The following CAST variants were observed in gnomAD, a reference collection of about 807,000 sequenced individuals.
CAST encodes MIR583 host.
CAST carries 76 observed loss-of-function variants against 119.6 expected under a neutral mutation model. The observed-to-expected ratio is 0.64, with a 90% CI of 0.53 to 0.77. CAST has a LOEUF of 0.77. CAST is among the 30% of genes least tolerant of loss of function. The pLI, the probability that CAST is intolerant of heterozygous loss-of-function variation, is 0.00. For missense variants in CAST, 953 were observed against 946.5 expected (o/e 1.01, Z -0.09); for synonymous variants, 319 against 331.6 (o/e 0.96, Z 0.41).
chr5:96,366,824 A>G, the CAST span, among the ~76,000 whole-genome samples: 14 of 152,322 alleles, frequency 9.2e-5, no homozygotes, highest in Non-Finnish European at 1.8e-4. Context: ...TTCTTCTCTC[A>G]ACATGTCAAA....
the CAST span, among the ~76,000 whole-genome samples, chr5:96,054,465 GTC>G: frequency 6.6e-6 from 1 of 151,942 alleles, no homozygotes; most frequent in Non-Finnish European, 1.5e-5. Flanking sequence ...TTTTCTGTAA[GTC>G]TTATTCATCA....
At chr5:96,328,805 G>A in the CAST span, among the ~76,000 whole-genome samples, 1 of 152,134 alleles carries the variant, frequency 6.6e-6, no homozygotes, top group African/African-American at 2.4e-5. Context: ...TTGTGGAAAA[G>A]CGAAGCAAAA....
At chr5:96,281,301 G>A in the CAST span, among the ~76,000 whole-genome samples, 5 of 152,126 alleles carry the variant, frequency 3.3e-5, no homozygotes, top group African/African-American at 1.2e-4. Context: ...ATGACTTTAG[G>A]CGTGACTAGA....
At chr5:96,341,235 C>G in the CAST span, among the ~76,000 whole-genome samples, 4 of 152,126 alleles carry the variant, frequency 2.6e-5, no homozygotes, top group Non-Finnish European at 5.9e-5. Context: ...GAAAGTATCA[C>G]TTACCATACA....
At chr5:96,451,573 A>T in the CAST span, among the ~76,000 whole-genome samples, 2 of 152,248 alleles carry the variant, frequency 1.3e-5, no homozygotes, top group Non-Finnish European at 2.9e-5. Flanking sequence ...CATTCAGGAC[A>T]TAGGCATGGG....
chr5:96,107,098 A>C, the CAST span, among the ~76,000 whole-genome samples: 2 of 147,290 alleles, frequency 1.4e-5, no homozygotes, highest in South Asian at 2.3e-4. Context: ...CCATCCTTTT[A>C]TTTTGAGCCT....
the CAST span, among the ~76,000 whole-genome samples, chr5:96,102,087 C>T: frequency 6.6e-6 from 1 of 152,106 alleles, no homozygotes; most frequent in Admixed American, 6.5e-5. Flanking sequence ...GGATCCCTTC[C>T]CTTGTTGTGT....
the CAST span, among the ~76,000 whole-genome samples, chr5:96,211,516 C>G: frequency 1.5e-4 from 23 of 151,954 alleles, no homozygotes; most frequent in African/African-American, 5.1e-4. Context: ...CTTAATTTCT[C>G]TAAAATATTA....
At chr5:95,981,969 C>G in the CAST span, among the ~76,000 whole-genome samples, 1 of 152,028 alleles carries the variant, frequency 6.6e-6, no homozygotes, top group East Asian at 1.9e-4. Flanking sequence ...CTTCACTCAA[C>G]TCCCAGAGAA....
the CAST span, among the ~76,000 whole-genome samples, chr5:96,384,502 C>T: frequency 1.3e-5 from 2 of 152,274 alleles, no homozygotes; most frequent in South Asian, 2.1e-4. Flanking sequence ...AGCTGTCTTC[C>T]CTGCCCTTGT....
chr5:96,432,548 C>G, the CAST span, among the ~76,000 whole-genome samples: 1 of 152,228 alleles, frequency 6.6e-6, no homozygotes, highest in African/African-American at 2.4e-5. Flanking sequence ...CTCAAGTTCC[C>G]TGAACAAGCG....
the CAST span, among the ~76,000 whole-genome samples, chr5:96,289,059 G>A: frequency 6.6e-6 from 1 of 151,496 alleles, no homozygotes; most frequent in Non-Finnish European, 1.5e-5. Flanking sequence ...ATTTTCTGCT[G>A]CTGCTTTCCC....
At chr5:96,582,884 A>C (rs1746792910) in intron 1 of CAST, among the ~76,000 whole-genome samples, 1 of 152,182 alleles carries the variant, frequency 6.6e-6, no homozygotes, top group Admixed American at 6.5e-5. Flanking sequence ...TGTGAATGTC[A>C]ATGCATAAGT....
chr5:96,372,160 G>T, the CAST span, among the ~76,000 whole-genome samples: 5 of 152,178 alleles, frequency 3.3e-5, no homozygotes, highest in Non-Finnish European at 7.4e-5. Context: ...AAATAGAATG[G>T]CTAGGATTGG....
intron 1 of CAST, among the ~76,000 whole-genome samples, chr5:96,540,835 T>A (rs1387905908): frequency 2.0e-5 from 3 of 152,326 alleles, no homozygotes; most frequent in Admixed American, 1.3e-4. Flanking sequence ...CTGATATTTT[T>A]CTCATGCATA....
the CAST span, among the ~76,000 whole-genome samples, chr5:96,112,386 G>T: frequency 6.6e-6 from 1 of 152,004 alleles, no homozygotes; most frequent in Non-Finnish European, 1.5e-5. Context: ...AGATTGGTTG[G>T]CAATTACTGT....
At chr5:96,756,995 G>T (rs1300866843) in intron 22 of CAST, among the ~76,000 whole-genome samples, 1 of 152,222 alleles carries the variant, frequency 6.6e-6, no homozygotes, top group Non-Finnish European at 1.5e-5. Flanking sequence ...GTCAGGGCTT[G>T]GCATGTAGTC....
rs1167637550 is a variant in CAST at position 96,616,753 on chromosome 5, T to TATATACACACAC, written c.61-58785_61-58784insTATACACACACA. On this transcript the variant is annotated intron_variant, in intron 1 of 11. Coordinates refer to the CAST transcript ENST00000505143. The stretch of plus-strand genomic sequence containing the variant: ...CGCTCTCTCTCTCTCTCTATATATA[T>TATATACACACAC]ACACACACACACACACACACACACA... 1.3e-3 allele frequency among the ~76,000 whole-genome samples: 164 copies of TATATACACACAC among 130,828 alleles called. 1 individual carries two copies. Among genetic ancestry groups the TATATACACACAC allele is most frequent in the Middle Eastern group, 3.8e-3 (1 of 264 alleles). The allele number at this position is 130,828 out of a possible 152,430, so 85.8% of individuals were successfully genotyped here.
chr5:96,144,837 C>A, the CAST span, among the ~76,000 whole-genome samples: 2 of 151,842 alleles, frequency 1.3e-5, no homozygotes, highest in Non-Finnish European at 2.9e-5. Context: ...CCACCATGCC[C>A]AGCTAATTTT....
Sources: allele counts gnomAD v4.1 joint callset (sites outside exome capture counted in the v4.1 genomes callset), GRCh38; gene constraint gnomAD v4.1.1; transcripts MANE v1.5; gene names NCBI Gene and HGNC (gene_info 2026-07-23, HGNC 2026-07-21).